Variants in HS3ST5 observed in about 807,000 individuals in gnomAD.
HS3ST5 encodes the protein heparan sulfate glucosamine 3-O-sulfotransferase 5.
In HS3ST5, 10 loss-of-function variants were observed where a neutral mutation model predicts 25.4. The ratio of observed to expected loss-of-function variants is 0.39; its 90% CI spans 0.24 to 0.67. The LOEUF (loss-of-function observed/expected upper bound fraction) is 0.67. Ranked by LOEUF, HS3ST5 falls within the 30% of genes least tolerant of loss-of-function variation. HS3ST5 has a pLI of 0.44. For synonymous variants in HS3ST5, 170 were observed against 162.4 expected (o/e 1.05, Z -0.36); for missense variants, 324 against 420.7 (o/e 0.77, Z 2.01).
chr6:114,072,630 T>A (rs568768225), intron 3 of HS3ST5, among the ~76,000 whole-genome samples: 28 of 152,304 alleles, frequency 1.8e-4, no homozygotes, highest in Admixed American at 4.6e-4. Flanking sequence ...AGCTTAAGAT[T>A]TCATATTCAG....
intron 2 of HS3ST5, among the ~76,000 whole-genome samples, chr6:114,171,475 T>C (rs111523569): frequency 6.6e-6 from 1 of 152,194 alleles, no homozygotes; most frequent in African/African-American, 2.4e-5. Context: ...TCCATGAATG[T>C]CCTACAATCC....
chr6:114,328,225 A>AGAAGGAAAGAAG (rs1172001532), intron 1 of HS3ST5, among the ~76,000 whole-genome samples: 2 of 151,382 alleles, frequency 1.3e-5, no homozygotes, highest in African/African-American at 2.4e-5. Context: ...AAGGAAGGAA[A>AGAAGGAAAGAAG]GAAGGAAAGA....
intron 3 of HS3ST5, among the ~76,000 whole-genome samples, chr6:114,141,858 TTGTGTGTGTGTGTGTGTGTG>T (rs59862071): frequency 7.8e-4 from 110 of 141,368 alleles, no homozygotes; most frequent in Admixed American, 1.1e-3. Flanking sequence ...AGATGATAGT[TTGTGTGTGTGTGTGTGTGTG>T]TGTGTGTGTG....
At chr6:114,103,937 G>A (rs765650571) in intron 3 of HS3ST5, among the ~76,000 whole-genome samples, 42 of 147,410 alleles carry the variant, frequency 2.8e-4, no homozygotes, top group Non-Finnish European at 4.9e-4. Context: ...TCCTGACCTC[G>A]TGATCCGCCC....
chr6:114,160,629 A>G (rs907620992), intron 3 of HS3ST5, among the ~76,000 whole-genome samples: 12 of 152,284 alleles, frequency 7.9e-5, no homozygotes, highest in African/African-American at 2.6e-4. Flanking sequence ...TATCCTTACT[A>G]TGACTCTAAA....
chr6:114,337,527 T>C (rs1317737326), intron 1 of HS3ST5, among the ~76,000 whole-genome samples: 1 of 152,186 alleles, frequency 6.6e-6, no homozygotes, highest in African/African-American at 2.4e-5. Context: ...ATGGCATCGG[T>C]TCTTAAAGTT....
intron 1 of HS3ST5, among the ~76,000 whole-genome samples, chr6:114,335,148 C>T (rs1776557434): frequency 6.6e-6 from 1 of 152,052 alleles, no homozygotes; most frequent in South Asian, 2.1e-4. Flanking sequence ...TGGCTCCACC[C>T]CTTTAGCTCT....
chr6:114,175,971 T>C (rs142152246), intron 2 of HS3ST5, among the ~76,000 whole-genome samples: 97 of 152,318 alleles, frequency 6.4e-4, no homozygotes, highest in Middle Eastern at 3.4e-3. Flanking sequence ...AATATTTCAC[T>C]AGTAACACCC....
intron 3 of HS3ST5, among the ~76,000 whole-genome samples, chr6:114,087,067 C>A (rs1029434855): frequency 6.6e-6 from 1 of 152,096 alleles, no homozygotes; most frequent in Non-Finnish European, 1.5e-5. Context: ...CCTGTGGGCT[C>A]TGGAAGTGCC....
intron 1 of HS3ST5, among the ~76,000 whole-genome samples, chr6:114,295,526 C>T (rs989874945): frequency 7.2e-5 from 11 of 152,118 alleles, no homozygotes; most frequent in Non-Finnish European, 5.9e-5. Context: ...TTATTCAAAG[C>T]TATATATAAG....
intron 3 of HS3ST5, among the ~76,000 whole-genome samples, chr6:114,064,278 T>A (rs901105550): frequency 1.8e-4 from 28 of 152,216 alleles, no homozygotes; most frequent in African/African-American, 6.8e-4. Flanking sequence ...ATCACTGAAT[T>A]CCCAAAGCAT....
Position 114,171,060 on chromosome 6 carries a change from A to G in HS3ST5, c.-144-2598T>C, listed in dbSNP as rs527974261. 2.6e-5 allele frequency among the ~76,000 whole-genome samples: 4 copies of G among 152,328 alleles called. No homozygotes were observed. The East Asian group carries it at 5.8e-4, about 22-fold the overall frequency. ...CATAGCTAATGTGTAATGAAATCAA[A>G]TATTGATATGTCCTTGACATTTCCT... is the stretch of plus-strand genomic sequence containing the variant. On this transcript the variant is annotated intron_variant, in intron 2 of 4. Transcript: ENST00000312719.
At chr6:114,090,469 T>G (rs1338102403) in intron 3 of HS3ST5, among the ~76,000 whole-genome samples, 3 of 152,218 alleles carry the variant, frequency 2.0e-5, no homozygotes, top group African/African-American at 7.2e-5. Context: ...TCCTTCTTTC[T>G]TCTTTTCTGC....
intron 1 of HS3ST5, among the ~76,000 whole-genome samples, chr6:114,338,557 T>TC (rs1429566623): frequency 5.9e-5 from 9 of 152,040 alleles, no homozygotes; most frequent in Non-Finnish European, 1.2e-4. Context: ...TTAGAGAGGT[T>TC]CATTTATCCT....
At chr6:114,281,493 G>A (rs571060582) in intron 1 of HS3ST5, among the ~76,000 whole-genome samples, 1 of 152,044 alleles carries the variant, frequency 6.6e-6, no homozygotes, top group East Asian at 1.9e-4. Context: ...GTAGACTTCG[G>A]ATTCCTTGTT....
intron 1 of HS3ST5, among the ~76,000 whole-genome samples, chr6:114,285,046 A>T (rs1340843593): frequency 1.3e-5 from 2 of 152,076 alleles, no homozygotes; most frequent in African/African-American, 4.8e-5. Context: ...TAAATATCTG[A>T]ATGCTGAATC....
chr6:114,069,977 T>TATCTTGTACCCCCAAG (rs1773708382), intron 3 of HS3ST5, among the ~76,000 whole-genome samples: 1 of 152,174 alleles, frequency 6.6e-6, no homozygotes, highest in Admixed American at 6.6e-5. Flanking sequence ...TACAGGTGGT[T>TATCTTGTACCCCCAAG]ATATGTTATC....
chr6:114,164,894 G>T (rs923479741), intron 3 of HS3ST5, among the ~76,000 whole-genome samples: 3 of 152,092 alleles, frequency 2.0e-5, no homozygotes, highest in East Asian at 3.9e-4. Context: ...TGAAGCATGT[G>T]CTTAATAACT....
At chr6:114,329,415 G>A (rs1776301052) in intron 1 of HS3ST5, among the ~76,000 whole-genome samples, 1 of 152,142 alleles carries the variant, frequency 6.6e-6, no homozygotes, top group South Asian at 2.1e-4. Flanking sequence ...AGCAATGTCA[G>A]GACAAGCATA....
Sources: allele counts gnomAD v4.1 joint callset (sites outside exome capture counted in the v4.1 genomes callset), GRCh38; gene constraint gnomAD v4.1.1; transcripts MANE v1.5; gene names NCBI Gene and HGNC (gene_info 2026-07-23, HGNC 2026-07-21).